NOL4: variants seen among roughly 807,000 people sequenced by gnomAD.
NOL4 encodes cancer/testis antigen 125.
Under a neutral mutation model 75.9 loss-of-function variants are expected in NOL4, and 17 were observed. That is an observed-to-expected ratio of 0.22 (90% confidence interval 0.15 to 0.34). The LOEUF is 0.34. NOL4 is among the 10% of genes least tolerant of loss of function. The pLI, the probability that NOL4 is intolerant of heterozygous loss-of-function variation, is 1.00. For synonymous variants in NOL4, 292 were observed against 289.9 expected (o/e 1.01, Z -0.07); for missense variants, 614 against 793.5 (o/e 0.77, Z 2.72).
intron 5 of NOL4, among the ~76,000 whole-genome samples, chr18:34,058,477 T>G (rs2076925870): frequency 1.3e-5 from 2 of 152,192 alleles, no homozygotes; most frequent in Non-Finnish European, 2.9e-5. Context: ...TTTGTCCTGC[T>G]AGGTGAGGCC....
At position 34,108,317 on chromosome 18, in the gene NOL4, G is replaced by A. The variant is rs149142929; in HGVS notation, c.415-3157C>T. 2.4e-3 allele frequency among the ~76,000 whole-genome samples: 370 copies of A among 152,050 alleles called. 1 individual carries two copies. Among genetic ancestry groups the A allele is most frequent in the African/African-American group, 8.2e-3 (340 of 41,498 alleles). ...AAGAAAAATAGTCATAAAACAGTTAGTAAAATGGCAGTAGTAAGTCCTTAT... is the reference window on the plus strand; with the variant it reads ...AAGAAAAATAGTCATAAAACAGTTAATAAAATGGCAGTAGTAAGTCCTTAT... On this transcript the variant is annotated intron_variant, in intron 2 of 10. Transcript: ENST00000261592.
intron 6 of NOL4, among the ~76,000 whole-genome samples, chr18:33,982,293 C>A (rs1457197343): frequency 6.6e-6 from 1 of 151,956 alleles, no homozygotes; most frequent in Non-Finnish European, 1.5e-5. Context: ...AATCAAGATC[C>A]AACCACATGC....
intron 10 of NOL4, 21 bp downstream of exon 10, chr18:33,883,223 C>A: frequency 1.3e-6 from 2 of 1,529,744 alleles, no homozygotes; most frequent in Admixed American, 2.2e-5. Flanking sequence ...AAAAAAAACA[C>A]AATCTATGAT....
chr18:34,047,052 A>G (rs1007043718), intron 5 of NOL4, among the ~76,000 whole-genome samples: 8 of 152,120 alleles, frequency 5.3e-5, no homozygotes, highest in Admixed American at 5.2e-4. Flanking sequence ...TATTAAGCAA[A>G]GTATAACCCT....
chr18:33,902,755 G>A (rs2065817180), intron 9 of NOL4, among the ~76,000 whole-genome samples: 1 of 151,950 alleles, frequency 6.6e-6, no homozygotes, highest in Admixed American at 6.6e-5. Context: ...CACATTGCAG[G>A]TTTTTCTTTG....
intron 5 of NOL4, among the ~76,000 whole-genome samples, chr18:34,085,265 G>C (rs1373385329): frequency 6.6e-6 from 1 of 152,138 alleles, no homozygotes; most frequent in Admixed American, 6.5e-5. Context: ...AAACGGTCTA[G>C]CATCTGCTAT....
intron 9 of NOL4, among the ~76,000 whole-genome samples, chr18:33,926,932 T>C (rs996451530): frequency 3.3e-5 from 5 of 152,182 alleles, no homozygotes; most frequent in African/African-American, 1.2e-4. Context: ...TTCATTCACA[T>C]TGAACTATAG....
At chr18:33,860,128 C>A (rs1431177659) in intron 10 of NOL4, among the ~76,000 whole-genome samples, 2 of 151,962 alleles carry the variant, frequency 1.3e-5, no homozygotes, top group African/African-American at 4.8e-5. Flanking sequence ...ACTATCAGAT[C>A]TTGTGAAAAC....
chr18:34,087,755 T>G (rs1197785834), intron 5 of NOL4, among the ~76,000 whole-genome samples: 1 of 152,034 alleles, frequency 6.6e-6, no homozygotes, highest in African/African-American at 2.4e-5. Flanking sequence ...TGCCTTTTTT[T>G]TTGACTACCT....
chr18:33,947,697 T>C (rs565781162), intron 8 of NOL4, among the ~76,000 whole-genome samples: 3 of 151,978 alleles, frequency 2.0e-5, no homozygotes, highest in Admixed American at 6.6e-5. Flanking sequence ...GTATATAAGA[T>C]AATGGTACCT....
chr18:33,857,515 C>T (rs2062891389), intron 10 of NOL4, among the ~76,000 whole-genome samples: 1 of 151,914 alleles, frequency 6.6e-6, no homozygotes, highest in South Asian at 2.1e-4. Context: ...AATTAATTTC[C>T]AAAACCATTG....
At position 33,888,901 on chromosome 18, in the gene NOL4, C is replaced by T. The variant is rs141573268; in HGVS notation, c.1543-5477G>A. 6.3e-4 allele frequency among the ~76,000 whole-genome samples: 96 copies of T among 151,660 alleles called. 2 individuals carry two copies. The East Asian group carries it at 0.016, about 25-fold the overall frequency. ...TGCTTGGGATTGTCTTTGCTAAATG[C>T]CCACAAGACAAAGTAGGAAAGATCT... On this transcript the variant is annotated intron_variant, in intron 9 of 10. Transcript: ENST00000261592.
chr18:34,034,094 C>T (rs573825733), intron 5 of NOL4, among the ~76,000 whole-genome samples: 5 of 152,074 alleles, frequency 3.3e-5, no homozygotes, highest in South Asian at 4.2e-4. Context: ...CATGAAAACA[C>T]GTTGTAACTA....
In NOL4 at chr18:33,851,386, C is replaced by A. The variant is rs1416723987; in HGVS notation, c.*1456G>T. ...AAAAGCATAGCAATGTCCACAGTTA[C>A]AAGAAAAAGTGCACATTACTCGGTC... On this transcript the variant is annotated 3_prime_UTR_variant, in exon 11 of 11. Coordinates refer to ENST00000261592, the MANE Select transcript of NOL4 (RefSeq NM_003787.5). The A allele has an allele frequency of 1.3e-5, 2 of 152,188 alleles. No homozygotes were observed. Among genetic ancestry groups the A allele is most frequent in the African/African-American group, 4.8e-5 (2 of 41,346 alleles). 9.4% of individuals were successfully genotyped at this position (152,188 alleles called of 1,614,324 possible).
At chr18:34,069,573 T>A (rs1403486298) in intron 5 of NOL4, among the ~76,000 whole-genome samples, 2 of 152,084 alleles carry the variant, frequency 1.3e-5, no homozygotes, top group Non-Finnish European at 2.9e-5. Context: ...GAATTTTTTT[T>A]AATGCATTTA....
At chr18:33,948,559 C>A (rs1259053351) in intron 8 of NOL4, among the ~76,000 whole-genome samples, 1 of 151,936 alleles carries the variant, frequency 6.6e-6, no homozygotes, top group Non-Finnish European at 1.5e-5. Flanking sequence ...TGCCATGTGA[C>A]CATTTTTGCA....
chr18:34,210,382 G>A (rs1167661945), intron 1 of NOL4, among the ~76,000 whole-genome samples: 2 of 152,068 alleles, frequency 1.3e-5, no homozygotes, highest in African/African-American at 4.8e-5. Context: ...CTTATTTTGA[G>A]TCTTTGTAAT....
intron 9 of NOL4, among the ~76,000 whole-genome samples, chr18:33,883,938 T>A (rs1184579381): frequency 6.6e-6 from 1 of 151,410 alleles, no homozygotes; most frequent in Non-Finnish European, 1.5e-5. Context: ...AGAATGAGGG[T>A]TTTCAGCACT....
At chr18:34,128,928 A>G (rs1378102559) in intron 2 of NOL4, 2 of 819,916 alleles carry the variant, frequency 2.4e-6, no homozygotes, top group Non-Finnish European at 2.9e-6. Context: ...TTGTATATCA[A>G]TATAGCTGAA....
Sources: allele counts gnomAD v4.1 joint callset (sites outside exome capture counted in the v4.1 genomes callset), GRCh38; gene constraint gnomAD v4.1.1; transcripts MANE v1.5; gene names NCBI Gene and HGNC (gene_info 2026-07-23, HGNC 2026-07-21).